Variants in CAMK2D observed in about 807,000 individuals in gnomAD.
The protein encoded by CAMK2D is calcium/calmodulin-dependent protein kinase type II subunit delta.
A neutral mutation model predicts 84.0 loss-of-function variants in CAMK2D; 37 were observed. The ratio of observed to expected loss-of-function variants is 0.44; its 90% CI spans 0.34 to 0.58. The LOEUF (loss-of-function observed/expected upper bound fraction) is 0.58. CAMK2D is among the 20% of genes least tolerant of loss of function. The probability of loss-of-function intolerance (pLI) is 0.02; values close to 1 mark genes in which losing one functional copy is unlikely to be tolerated. For missense variants in CAMK2D, 448 were observed against 652.5 expected (o/e 0.69, Z 3.41); for synonymous variants, 202 against 212.5 (o/e 0.95, Z 0.43).
At chr4:113,693,074 G>A (rs1439016186) in intron 2 of CAMK2D, among the ~76,000 whole-genome samples, 1 of 152,136 alleles carries the variant, frequency 6.6e-6, no homozygotes, top group Non-Finnish European at 1.5e-5. Flanking sequence ...CAAGTCTACA[G>A]CAGGTACTAG....
At chr4:113,495,137 G>A (rs2097911261) in intron 16 of CAMK2D, among the ~76,000 whole-genome samples, 1 of 152,158 alleles carries the variant, frequency 6.6e-6, no homozygotes, top group Non-Finnish European at 1.5e-5. Context: ...GACCAGAGTT[G>A]TTCCTATTTG....
At chr4:113,497,052 G>C (rs940493589) in intron 16 of CAMK2D, among the ~76,000 whole-genome samples, 1 of 131,292 alleles carries the variant, frequency 7.6e-6, no homozygotes, top group Non-Finnish European at 1.6e-5. Context: ...GGAAATAAAA[G>C]AACTTTTAGA....
At chr4:113,598,256 T>C (rs959626438) in intron 4 of CAMK2D, among the ~76,000 whole-genome samples, 4 of 152,132 alleles carry the variant, frequency 2.6e-5, no homozygotes, top group Non-Finnish European at 5.9e-5. Context: ...CAACTGATCT[T>C]TGATAAAAGA....
At chr4:113,631,291 C>T (rs1235598138) in intron 3 of CAMK2D, among the ~76,000 whole-genome samples, 1 of 152,064 alleles carries the variant, frequency 6.6e-6, no homozygotes, top group Non-Finnish European at 1.5e-5. Context: ...GGCAGGAGGA[C>T]CACTTGAGCC....
chr4:113,654,304 G>A (rs1386631955), intron 3 of CAMK2D, among the ~76,000 whole-genome samples: 2 of 151,944 alleles, frequency 1.3e-5, no homozygotes. Context: ...TGGGAAACAT[G>A]CTTTTATAGA....
chr4:113,552,676 A>C (rs1266246269), intron 4 of CAMK2D, among the ~76,000 whole-genome samples: 1 of 152,226 alleles, frequency 6.6e-6, no homozygotes, highest in Non-Finnish European at 1.5e-5. Context: ...CCCCTAATTT[A>C]ACGTAACATA....
chr4:113,684,452 G>A lies in CAMK2D; in HGVS notation c.161-22680C>T, dbSNP rs143893445. The stretch of plus-strand genomic sequence containing the variant: ...CCCTACAGACAACCTTGTATGTACT[G>A]TATGTATAATTATAATTTCAAATTT... On this transcript the variant is annotated intron_variant, in intron 2 of 20. Transcript: ENST00000511664. Among the ~76,000 whole-genome samples the A allele has an allele frequency of 5.9e-5, 9 of 152,266 alleles. No individual in the cohort carries two copies. In the East Asian group the frequency reaches 1.7e-3, roughly 29 times the overall value.
In CAMK2D at chr4:113,748,589, A is replaced by G. The variant is rs565999763; in HGVS notation, c.160+10731T>C. 7.2e-5 allele frequency among the ~76,000 whole-genome samples: 11 copies of G among 152,228 alleles called. No homozygotes were observed. In the East Asian group the frequency reaches 2.1e-3, roughly 29 times the overall value. ...ACTAGGAATACCAAAATAATTAATC[A>G]GTTTTCTAGTCACTTAGTGAAGTAT... On this transcript the variant is annotated intron_variant, in intron 2 of 20. Coordinates refer to ENST00000511664, the MANE Select transcript of CAMK2D (RefSeq NM_001321571.2).
chr4:113,552,235 G>A, intron 4 of CAMK2D, 139 bp from the exon 5 acceptor site: 2 of 523,268 alleles, frequency 3.8e-6, no homozygotes, highest in Non-Finnish European at 6.9e-6. Flanking sequence ...ATGAGACAGT[G>A]TTCGTAAGTC....
At chr4:113,573,416 G>A (rs2098763967) in intron 4 of CAMK2D, among the ~76,000 whole-genome samples, 1 of 152,160 alleles carries the variant, frequency 6.6e-6, no homozygotes, top group South Asian at 2.1e-4. Context: ...TTTTGGGAAC[G>A]AACATGACAT....
chr4:113,454,882 T>C (rs1485423304), intron 20 of CAMK2D, among the ~76,000 whole-genome samples: 2 of 152,206 alleles, frequency 1.3e-5, no homozygotes, highest in Admixed American at 6.6e-5. Context: ...AGACTTAAAA[T>C]TCAAGTTCAT....
intron 12 of CAMK2D, 58 bp from the exon 13 acceptor site, chr4:113,509,733 C>T: frequency 8.0e-7 from 1 of 1,251,738 alleles, no homozygotes; most frequent in South Asian, 1.2e-5. Context: ...CACAGCCAGA[C>T]AACAAAGCAG....
At chr4:113,457,154 T>C in intron 19 of CAMK2D, 181 bp downstream of exon 19, 1 of 1,430,654 alleles carries the variant, frequency 7.0e-7, no homozygotes, top group African/African-American at 1.4e-5. Flanking sequence ...AACCCACAAA[T>C]GGCTGATCTG....
chr4:113,636,931 C>T (rs796706109), intron 3 of CAMK2D, among the ~76,000 whole-genome samples: 3 of 152,246 alleles, frequency 2.0e-5, no homozygotes, highest in African/African-American at 7.2e-5. Flanking sequence ...TGCCCTACTT[C>T]CAGTCCCCTC....
intron 2 of CAMK2D, among the ~76,000 whole-genome samples, chr4:113,753,441 T>G (rs774683974): frequency 1.2e-4 from 18 of 151,906 alleles, no homozygotes; most frequent in Non-Finnish European, 1.9e-4. Flanking sequence ...GTAATTACAA[T>G]GATAGCTAAG....
chr4:113,633,471 C>A (rs2099098297), intron 3 of CAMK2D, among the ~76,000 whole-genome samples: 1 of 152,196 alleles, frequency 6.6e-6, no homozygotes, highest in Non-Finnish European at 1.5e-5. Context: ...CCAGCAGTCA[C>A]TGCTCCAAAT....
At chr4:113,639,405 C>A in intron 3 of CAMK2D, among the ~76,000 whole-genome samples, 1 of 151,932 alleles carries the variant, frequency 6.6e-6, no homozygotes, top group East Asian at 1.9e-4. Flanking sequence ...GTCCCTAAGG[C>A]CAAATGGCTT....
chr4:113,634,726 G>T (rs553143336), intron 3 of CAMK2D, among the ~76,000 whole-genome samples: 1 of 152,256 alleles, frequency 6.6e-6, no homozygotes, highest in South Asian at 2.1e-4. Context: ...TTCTGTGCCA[G>T]GAGACTTTAT....
chr4:113,544,119 C>T (rs1254279731), intron 6 of CAMK2D, among the ~76,000 whole-genome samples: 4 of 152,088 alleles, frequency 2.6e-5, no homozygotes, highest in Non-Finnish European at 5.9e-5. Flanking sequence ...TTCTTTGTCT[C>T]GTTTTCCAAA....
Sources: allele counts gnomAD v4.1 joint callset (sites outside exome capture counted in the v4.1 genomes callset), GRCh38; gene constraint gnomAD v4.1.1; transcripts MANE v1.5; gene names NCBI Gene and HGNC (gene_info 2026-07-23, HGNC 2026-07-21).